The following RHOD variants were observed in gnomAD, a reference collection of about 807,000 sequenced individuals.
RHOD encodes the protein rho-related GTP-binding protein RhoD.
A neutral mutation model predicts 16.7 loss-of-function variants in RHOD; 11 were observed. The observed-to-expected ratio is 0.66, with a 90% CI of 0.41 to 1.09. The LOEUF (loss-of-function observed/expected upper bound fraction) is 1.09, where lower values mean the gene tolerates loss of function less well. Among genes scored for constraint, RHOD ranks in the 50% least tolerant of loss-of-function variants. The pLI is 0.00. For synonymous variants in RHOD, 124 were observed against 126.3 expected, an observed-to-expected ratio of 0.98 and a Z score of 0.12; for missense variants, 271 against 291.7, an observed-to-expected ratio of 0.93 and a Z score of 0.52.
At chr11:67,071,350 C>G (rs1855027103) in intron 4 of RHOD, 85 bp from the exon 5 acceptor site, 1 of 1,373,006 alleles carries the variant, frequency 7.3e-7, no homozygotes, top group South Asian at 1.5e-5. Context: ...ACCCCACCTT[C>G]CACTCTTGTC....
intron 4 of RHOD, among the ~76,000 whole-genome samples, chr11:67,071,162 G>A (rs1486975569): frequency 7.2e-5 from 11 of 152,104 alleles, no homozygotes; most frequent in Non-Finnish European, 1.5e-5. Flanking sequence ...ACTTGAACCC[G>A]GTTGGAGGAG....
In RHOD at chr11:67,071,476, C is replaced by T; in HGVS notation, c.507C>T (p.Leu169=). Residue 169 remains leucine, a synonymous_variant, in exon 5 of 5, where the codon CTC becomes CTT. Coordinates refer to ENST00000308831, the MANE Select transcript of RHOD (RefSeq NM_014578.4). ...MARSVGAVAY[L]ECSARLHDNV... ...GGTCCGTGGGCGCGGTGGCCTACCT[C>T]GAGTGCTCGGCTCGGCTCCATGACA... The T allele has an allele frequency of 6.2e-7, 1 of 1,606,988 alleles. No homozygotes were observed. Among genetic ancestry groups the T allele is most frequent in the South Asian group, 1.1e-5 (1 of 90,950 alleles).
At chr11:67,060,633 C>G (rs940789318) in intron 1 of RHOD, among the ~76,000 whole-genome samples, 3 of 152,210 alleles carry the variant, frequency 2.0e-5, no homozygotes, top group Admixed American at 6.5e-5. Flanking sequence ...CACTAGCCAG[C>G]TGTTCAGTGT....
At chr11:67,070,706 C>A in intron 4 of RHOD, 147 bp downstream of exon 4, 1 of 915,574 alleles carries the variant, frequency 1.1e-6, no homozygotes, top group Non-Finnish European at 1.6e-6. Context: ...CAGAAACTTC[C>A]AGCACTTAGA....
Position 67,071,509 on chromosome 11 carries a change from C to T in RHOD, c.540C>T (p.His180=). The change falls in exon 5 of 5, where the codon CAC becomes CAT. Residue 180 remains histidine, a synonymous_variant. Coordinates refer to ENST00000308831, the MANE Select transcript of RHOD (RefSeq NM_014578.4). ...CGGCTCGGCTCCATGACAACGTCCA[C>T]GCCGTCTTCCAGGAGGCCGCCGAGG... The part of the protein sequence containing the change: ...ECSARLHDNV[H]AVFQEAAEVA... 4 of 1,611,706 alleles carry T rather than the reference C, an allele frequency of 2.5e-6. No homozygotes were observed. Among genetic ancestry groups the T allele is most frequent in the South Asian group, 1.1e-5 (1 of 91,026 alleles).
chr11:67,057,904 C>T (rs1047256466), intron 1 of RHOD, among the ~76,000 whole-genome samples: 2 of 152,260 alleles, frequency 1.3e-5, no homozygotes, highest in Non-Finnish European at 2.9e-5. Context: ...CCCAGGCAGA[C>T]TCCACGGGCA....
intron 1 of RHOD, among the ~76,000 whole-genome samples, chr11:67,058,534 C>T (rs1309212982): frequency 6.6e-6 from 1 of 152,136 alleles, no homozygotes; most frequent in Non-Finnish European, 1.5e-5. Flanking sequence ...TGGTCTCGAA[C>T]TCCTGGCCTC....
chr11:67,071,482 C>T lies in RHOD; in HGVS notation c.513C>T (p.Cys171=), dbSNP rs556985842. The T allele has an allele frequency of 1.8e-5, 29 of 1,608,088 alleles. No homozygotes were observed. Among genetic ancestry groups the T allele is most frequent in the South Asian group, 1.6e-4 (15 of 90,954 alleles). ...TGGGCGCGGTGGCCTACCTCGAGTGCTCGGCTCGGCTCCATGACAACGTCC... is the reference window on the plus strand; with the variant it reads ...TGGGCGCGGTGGCCTACCTCGAGTGTTCGGCTCGGCTCCATGACAACGTCC... ...RSVGAVAYLE[C]SARLHDNVHA... is the part of the protein sequence containing the mutation. The change falls in exon 5 of 5, where the codon TGC becomes TGT. Residue 171 remains cysteine (C), a synonymous_variant. Coordinates refer to ENST00000308831, the MANE Select transcript of RHOD (RefSeq NM_014578.4).
chr11:67,066,530 A>T (rs1259879098), intron 2 of RHOD, among the ~76,000 whole-genome samples: 2 of 152,222 alleles, frequency 1.3e-5, no homozygotes, highest in African/African-American at 4.8e-5. Flanking sequence ...TCCCTTCCAG[A>T]CATCCCACAG....
intron 1 of RHOD, among the ~76,000 whole-genome samples, chr11:67,060,503 A>G (rs2136245137): frequency 6.6e-6 from 1 of 152,318 alleles, no homozygotes; most frequent in Middle Eastern, 3.4e-3. Context: ...TGTGACAGTT[A>G]CAAGCCAGAG....
intron 3 of RHOD, among the ~76,000 whole-genome samples, chr11:67,069,340 C>A (rs1854996295): frequency 6.6e-6 from 1 of 152,006 alleles, no homozygotes; most frequent in Non-Finnish European, 1.5e-5. Context: ...CTGCTGCAAC[C>A]ATTTTGTGAG....
At chr11:67,061,865 G>A (rs955069128) in intron 1 of RHOD, among the ~76,000 whole-genome samples, 5 of 147,886 alleles carry the variant, frequency 3.4e-5, no homozygotes, top group South Asian at 2.1e-4. Flanking sequence ...TTAGCCAGGC[G>A]TGGTGACACA....
intron 1 of RHOD, among the ~76,000 whole-genome samples, chr11:67,061,844 G>GTGTATA (rs1555071126): frequency 7.1e-6 from 1 of 140,676 alleles, no homozygotes; most frequent in African/African-American, 2.7e-5. Flanking sequence ...GTGTGTGTGT[G>GTGTATA]TATATATATA....
rs1333232276 is a variant in RHOD, at chr11:67,071,443, G to A, written c.474G>A (p.Glu158=). 4 of 1,592,356 alleles carry A rather than the reference G, an allele frequency of 2.5e-6. No individual in the cohort carries two copies. In the Admixed American group the frequency reaches 6.7e-5, roughly 27 times the overall value. The change falls in exon 5 of 5, where the codon GAG becomes GAA. Residue 158 remains glutamate, a synonymous_variant. Transcript: ENST00000308831. The part of the protein sequence containing the change: ...LEPVTYHRGQ[E]MARSVGAVAY... ...TCCACCTCTCCCTCTAGGGCCAGGA[G>A]ATGGCGAGGTCCGTGGGCGCGGTGG...
At chr11:67,066,330 A>C (rs1854959098) in intron 2 of RHOD, among the ~76,000 whole-genome samples, 1 of 152,112 alleles carries the variant, frequency 6.6e-6, no homozygotes, top group Admixed American at 6.6e-5. Context: ...CCTTGCCTAT[A>C]CCAGGGTGAG....
intron 1 of RHOD, among the ~76,000 whole-genome samples, chr11:67,062,754 C>T (rs950908837): frequency 6.6e-6 from 1 of 152,164 alleles, no homozygotes; most frequent in South Asian, 2.1e-4. Context: ...AGGTGTGGGC[C>T]GCACCCGGCA....
At chr11:67,061,820 A>G (rs1417691855) in intron 1 of RHOD, among the ~76,000 whole-genome samples, 94 of 127,072 alleles carry the variant, frequency 7.4e-4, no homozygotes, top group East Asian at 2.7e-3. Flanking sequence ...GTATATATAT[A>G]TGTGTGTGTG....
chr11:67,065,795 C>T, intron 1 of RHOD, 101 bp from the exon 2 acceptor site: 1 of 743,518 alleles, frequency 1.3e-6, no homozygotes, highest in East Asian at 2.7e-5. Context: ...AACAACTACG[C>T]TCCACTGACC....
intron 1 of RHOD, among the ~76,000 whole-genome samples, chr11:67,062,079 G>A (rs948588749): frequency 2.6e-5 from 4 of 152,038 alleles, no homozygotes; most frequent in African/African-American, 7.2e-5. Flanking sequence ...CCCTCGACAC[G>A]TGGGGATTAC....
Sources: allele counts gnomAD v4.1 joint callset (sites outside exome capture counted in the v4.1 genomes callset), GRCh38; gene constraint gnomAD v4.1.1; transcripts MANE v1.5; gene names NCBI Gene and HGNC (gene_info 2026-07-23, HGNC 2026-07-21).